Variants in RBMS3 observed in about 807,000 individuals in gnomAD.
RBMS3 encodes the protein RNA-binding motif, single-stranded-interacting protein 3.
Under a neutral mutation model 66.8 loss-of-function variants are expected in RBMS3, and 27 were observed. The ratio of observed to expected loss-of-function variants is 0.40; its 90% CI spans 0.30 to 0.56. The LOEUF is 0.56. Among genes scored for constraint, RBMS3 ranks in the 20% least tolerant of loss-of-function variants. The pLI is 0.40. For missense variants in RBMS3, 513 were observed against 549.5 expected, an observed-to-expected ratio of 0.93 and a Z score of 0.66; for synonymous variants, 188 against 183.0, an observed-to-expected ratio of 1.03 and a Z score of -0.22.
At chr3:29,534,569 G>A (rs906250254) in intron 3 of RBMS3, among the ~76,000 whole-genome samples, 1 of 152,246 alleles carries the variant, frequency 6.6e-6, no homozygotes, top group Non-Finnish European at 1.5e-5. Flanking sequence ...TTTCCTAAAG[G>A]TTCTTTACAC....
intron 1 of RBMS3, among the ~76,000 whole-genome samples, chr3:29,358,476 G>A (rs1020032397): frequency 6.6e-6 from 1 of 152,124 alleles, no homozygotes; most frequent in Non-Finnish European, 1.5e-5. Context: ...AAGTGAGGTA[G>A]TGTGATGCCT....
At position 30,004,533 on chromosome 3, in the gene RBMS3, A is replaced by C. The variant is rs1699747135; in HGVS notation, c.*671A>C. ...TATGAGTTTTTAGGGTGAAGAAAAA[A>C]CTGTACAGTTTAAATGAAAATGTTT... On this transcript the variant is annotated 3_prime_UTR_variant, in exon 15 of 15. Coordinates refer to ENST00000383767, the MANE Select transcript of RBMS3 (RefSeq NM_001003793.3). 2 of 152,084 alleles carry C rather than the reference A, an allele frequency of 1.3e-5. No homozygotes were observed. The highest frequency in any genetic ancestry group is 4.1e-4 in the South Asian group (2 of 4,828). 9.4% of individuals were successfully genotyped at this position (152,084 alleles called of 1,614,324 possible). A position where few individuals can be genotyped will look rare whatever the true frequency, so the allele number is the denominator to read the frequency against.
intron 1 of RBMS3, among the ~76,000 whole-genome samples, chr3:29,383,951 C>T (rs1012672569): frequency 3.9e-5 from 6 of 152,098 alleles, no homozygotes; most frequent in Admixed American, 1.3e-4. Flanking sequence ...GTTAACTATA[C>T]GATAAGTATT....
rs1225947963 is a variant in RBMS3 at position 29,786,934 on chromosome 3, A to C, written c.637+23945A>C. Among the ~76,000 whole-genome samples the C allele has an allele frequency of 2.0e-5, 3 of 152,200 alleles. No individual in the cohort carries two copies. The East Asian group carries it at 5.8e-4, about 29-fold the overall frequency. On this transcript the variant is annotated intron_variant, in intron 6 of 14. Transcript: ENST00000383767. Reference sequence around the variant, plus strand: ...ACAGAGTGGGAGAAAATCTTCATACATCTGAAAAAGGACTAATATCCAGAA... The same window carrying C: ...ACAGAGTGGGAGAAAATCTTCATACCTCTGAAAAAGGACTAATATCCAGAA...
At chr3:29,942,613 T>G (rs1282944981) in intron 11 of RBMS3, among the ~76,000 whole-genome samples, 1 of 151,838 alleles carries the variant, frequency 6.6e-6, no homozygotes, top group African/African-American at 2.4e-5. Flanking sequence ...AGAAGTATTA[T>G]AAGGCTAAAG....
intron 1 of RBMS3, among the ~76,000 whole-genome samples, chr3:29,423,134 C>T (rs1003590056): frequency 1.3e-5 from 2 of 151,972 alleles, no homozygotes; most frequent in East Asian, 1.9e-4. Flanking sequence ...GGCAGGGTTG[C>T]GGGGGTGGTT....
intron 1 of RBMS3, among the ~76,000 whole-genome samples, chr3:29,295,296 C>T (rs2371607): frequency 0.055 from 244 of 4,422 alleles, no homozygotes; most frequent in African/African-American, 0.14. Context: ...TATATATATA[C>T]ATATATATCT....
chr3:29,953,455 G>T (rs985571570), intron 12 of RBMS3, among the ~76,000 whole-genome samples: 14 of 152,034 alleles, frequency 9.2e-5, no homozygotes, highest in African/African-American at 3.4e-4. Context: ...ATAGCTTCCA[G>T]CTAATTAAAG....
At chr3:29,392,357 A>T (rs2039339628) in intron 1 of RBMS3, among the ~76,000 whole-genome samples, 1 of 152,208 alleles carries the variant, frequency 6.6e-6, no homozygotes, top group Non-Finnish European at 1.5e-5. Context: ...ACCTGAAATA[A>T]TCTTATTTTT....
At chr3:29,811,151 T>G (rs4680849) in intron 6 of RBMS3, among the ~76,000 whole-genome samples, 58,390 of 151,936 alleles carry the variant, frequency 0.38, 11,893 homozygotes, top group Non-Finnish European at 0.47. Flanking sequence ...CCTGGGAACA[T>G]GAGGGCATTT....
intron 1 of RBMS3, among the ~76,000 whole-genome samples, chr3:29,421,129 G>A (rs200488687): frequency 7.1e-6 from 1 of 140,484 alleles, no homozygotes; most frequent in Non-Finnish European, 1.5e-5. Flanking sequence ...AAAAAAAAAA[G>A]AAAACAGAAA....
At chr3:29,989,102 C>T (rs1467241263) in intron 13 of RBMS3, among the ~76,000 whole-genome samples, 3 of 152,180 alleles carry the variant, frequency 2.0e-5, no homozygotes, top group African/African-American at 7.2e-5. Context: ...CATGAACCTG[C>T]ACAGGTTTAC....
chr3:29,845,652 C>G (rs1184512223), intron 6 of RBMS3, among the ~76,000 whole-genome samples: 2 of 151,918 alleles, frequency 1.3e-5, no homozygotes, highest in East Asian at 3.9e-4. Context: ...AACAGATAAA[C>G]AATGGACAAA....
chr3:29,501,699 A>G (rs1351142942), intron 3 of RBMS3, among the ~76,000 whole-genome samples: 1 of 152,144 alleles, frequency 6.6e-6, no homozygotes, highest in Non-Finnish European at 1.5e-5. Flanking sequence ...CCATCAGCCT[A>G]TCAACCAACC....
chr3:29,385,110 G>A (rs9819877), intron 1 of RBMS3, among the ~76,000 whole-genome samples: 116,745 of 152,134 alleles, frequency 0.77, 46,035 homozygotes, highest in Non-Finnish European at 0.86. Context: ...GGTTAGTCCA[G>A]CATTACCTGA....
chr3:29,763,745 T>C (rs1242324746), intron 6 of RBMS3, among the ~76,000 whole-genome samples: 4 of 152,102 alleles, frequency 2.6e-5, no homozygotes, highest in African/African-American at 9.7e-5. Flanking sequence ...TGGAAGGTTT[T>C]AATATTAACT....
rs1378729459 is a variant in RBMS3 at position 29,474,053 on chromosome 3, G to A, written c.249-14388G>A. Among the ~76,000 whole-genome samples the A allele has an allele frequency of 5.3e-5, 8 of 152,252 alleles. No individual in the cohort carries two copies. The South Asian group carries it at 1.2e-3, about 24-fold the overall frequency. ...CAAGGGCTGCGAGGGCTGCCAGCAC[G>A]CTGTCACCTCTCACTAGGATTACAG... On this transcript the variant is annotated intron_variant, in intron 2 of 14. Transcript: ENST00000383767.
At chr3:29,681,007 C>T (rs574900805) in intron 4 of RBMS3, among the ~76,000 whole-genome samples, 18 of 152,266 alleles carry the variant, frequency 1.2e-4, no homozygotes, top group African/African-American at 4.1e-4. Context: ...TGCATTGATG[C>T]ATACATACTG....
chr3:29,960,844 C>T (rs1475559200), intron 12 of RBMS3, among the ~76,000 whole-genome samples: 3 of 152,108 alleles, frequency 2.0e-5, no homozygotes, highest in African/African-American at 4.8e-5. Context: ...TCCTAGGCTG[C>T]ACACAGTGAA....
Sources: gnomAD v4.1 joint callset for allele counts (sites outside exome capture counted in the v4.1 genomes callset) on GRCh38, gnomAD v4.1.1 for gene constraint, MANE v1.5 for transcripts, NCBI Gene and HGNC (gene_info 2026-07-23, HGNC 2026-07-21) for gene names.